Variants in PRDM5 observed in about 807,000 individuals in gnomAD.
PRDM5 encodes the protein PR/SET domain 5, also known as PR domain zinc finger protein 5.
Under a neutral mutation model 81.2 loss-of-function variants are expected in PRDM5, and 56 were observed. The ratio of observed to expected loss-of-function variants is 0.69; its 90% CI spans 0.56 to 0.86. The LOEUF is 0.86. PRDM5 is among the 40% of genes least tolerant of loss of function. The probability of loss-of-function intolerance (pLI) is 0.00; values close to 1 mark genes in which losing one functional copy is unlikely to be tolerated. For missense variants in PRDM5, 697 were observed against 770.1 expected (o/e 0.91, Z 1.12); for synonymous variants, 267 against 256.4 (o/e 1.04, Z -0.39).
At chr4:120,762,099 G>T in intron 13 of PRDM5, among the ~76,000 whole-genome samples, 1 of 152,036 alleles carries the variant, frequency 6.6e-6, no homozygotes, top group Non-Finnish European at 1.5e-5. Context: ...TTTTAATAAC[G>T]TTAACTTGTC....
chr4:120,722,242 G>A (rs111411260), intron 14 of PRDM5, among the ~76,000 whole-genome samples: 16 of 152,230 alleles, frequency 1.1e-4, no homozygotes, highest in African/African-American at 2.6e-4. Context: ...ACCTCAGCAC[G>A]GATCAGAACC....
intron 14 of PRDM5, among the ~76,000 whole-genome samples, chr4:120,739,253 A>G (rs1484558473): frequency 6.6e-6 from 1 of 152,212 alleles, no homozygotes; most frequent in Non-Finnish European, 1.5e-5. Flanking sequence ...CAAGCAAGTC[A>G]TTGTGCCCAG....
intron 4 of PRDM5, 67 bp downstream of exon 4, chr4:120,821,104 C>G (rs1024709030): frequency 3.6e-5 from 55 of 1,533,904 alleles, no homozygotes; most frequent in South Asian, 1.0e-4. Flanking sequence ...ATAATTCAAC[C>G]ACAGTTTAAA....
chr4:120,814,450 A>C (rs1191235976), intron 7 of PRDM5, among the ~76,000 whole-genome samples: 1 of 152,236 alleles, frequency 6.6e-6, no homozygotes, highest in African/African-American at 2.4e-5. Context: ...CAATCACTTA[A>C]GTACTCAACT....
intron 8 of PRDM5, among the ~76,000 whole-genome samples, chr4:120,805,996 G>T (rs1752861282): frequency 6.6e-6 from 1 of 152,098 alleles, no homozygotes; most frequent in Admixed American, 6.5e-5. Flanking sequence ...AGCAACTTCA[G>T]CAGTCTCAGG....
intron 14 of PRDM5, among the ~76,000 whole-genome samples, chr4:120,716,879 C>G (rs1308795774): frequency 6.6e-6 from 1 of 152,116 alleles, no homozygotes; most frequent in Non-Finnish European, 1.5e-5. Context: ...TTTTCTTTCT[C>G]AGAGAGTAAA....
chr4:120,832,407 G>A (rs1253489059), intron 3 of PRDM5, among the ~76,000 whole-genome samples: 2 of 152,030 alleles, frequency 1.3e-5, no homozygotes, highest in African/African-American at 4.8e-5. Context: ...AGGATTATGG[G>A]AACTACAATT....
intron 2 of PRDM5, among the ~76,000 whole-genome samples, chr4:120,894,663 A>G (rs185689439): frequency 2.0e-5 from 3 of 152,348 alleles, no homozygotes; most frequent in East Asian, 3.9e-4. Flanking sequence ...AGAAACATAT[A>G]TGTATTTTCA....
chr4:120,747,476 TG>T (rs1055287106), intron 14 of PRDM5, among the ~76,000 whole-genome samples: 23 of 151,718 alleles, frequency 1.5e-4, no homozygotes, highest in African/African-American at 5.3e-4. Context: ...AATAAATTTT[TG>T]GGGGGATAAT....
intron 13 of PRDM5, among the ~76,000 whole-genome samples, chr4:120,757,279 G>T (rs1002228913): frequency 3.3e-5 from 5 of 152,126 alleles, no homozygotes; most frequent in Non-Finnish European, 4.4e-5. Flanking sequence ...TTTGGAATGT[G>T]ATTGTCCTGA....
rs528222451 is a variant in PRDM5, at chr4:120,839,554, G to C, written c.300+13864C>G. On this transcript the variant is annotated intron_variant, in intron 3 of 15. Transcript: ENST00000264808. ...CTGGCTGAGCCTGAGGCTTTTACAG[G>C]CCTCGGAGGGGAGGAAGTGTGCATT... 4.6e-5 allele frequency among the ~76,000 whole-genome samples: 7 copies of C among 152,258 alleles called. No homozygotes were observed. The South Asian group carries it at 6.2e-4, about 14-fold the overall frequency.
intron 3 of PRDM5, among the ~76,000 whole-genome samples, chr4:120,839,558 C>T (rs923351942): frequency 5.3e-5 from 8 of 152,136 alleles, no homozygotes; most frequent in South Asian, 2.1e-4. Flanking sequence ...TTACAGGCCT[C>T]GGAGGGGAGG....
At chr4:120,803,672 C>G (rs541560355) in intron 8 of PRDM5, among the ~76,000 whole-genome samples, 5 of 152,246 alleles carry the variant, frequency 3.3e-5, no homozygotes, top group Non-Finnish European at 5.9e-5. Context: ...TTGTCACCAC[C>G]AGGCCTGCCC....
intron 2 of PRDM5, among the ~76,000 whole-genome samples, chr4:120,902,337 T>C (rs1283253407): frequency 6.6e-6 from 1 of 152,184 alleles, no homozygotes; most frequent in Non-Finnish European, 1.5e-5. Flanking sequence ...TGGTTTGAAA[T>C]ATCTAAGAAA....
intron 2 of PRDM5, among the ~76,000 whole-genome samples, chr4:120,862,356 C>T (rs1760699643): frequency 6.6e-6 from 1 of 152,130 alleles, no homozygotes; most frequent in South Asian, 2.1e-4. Flanking sequence ...GTTTAAAAAG[C>T]TCACAAAGCA....
chr4:120,821,080 A>G (rs1215683730), intron 4 of PRDM5, 91 bp downstream of exon 4: 1 of 1,400,160 alleles, frequency 7.1e-7, no homozygotes, highest in Non-Finnish European at 1.0e-6. Context: ...AGAATGCCAT[A>G]TTACAAGGCA....
At chr4:120,709,229 C>A (rs1349355507) in intron 15 of PRDM5, among the ~76,000 whole-genome samples, 1 of 152,066 alleles carries the variant, frequency 6.6e-6, no homozygotes, top group African/African-American at 2.4e-5. Flanking sequence ...ACAATTAAAC[C>A]ATCTAAATAG....
chr4:120,795,534 C>T (rs1246411163), intron 10 of PRDM5, among the ~76,000 whole-genome samples: 3 of 151,008 alleles, frequency 2.0e-5, no homozygotes, highest in Non-Finnish European at 2.9e-5. Flanking sequence ...AAAAAGTAAC[C>T]TATTGAACCC....
intron 13 of PRDM5, among the ~76,000 whole-genome samples, chr4:120,764,364 C>T (rs1230434148): frequency 6.6e-6 from 1 of 152,158 alleles, no homozygotes; most frequent in Middle Eastern, 3.2e-3. Flanking sequence ...ACAAATGTCA[C>T]TCTCTCACTT....
Sources: allele counts gnomAD v4.1 joint callset (sites outside exome capture counted in the v4.1 genomes callset), GRCh38; gene constraint gnomAD v4.1.1; transcripts MANE v1.5; gene names NCBI Gene and HGNC (gene_info 2026-07-23, HGNC 2026-07-21).